DDIAS: variants seen among roughly 807,000 people sequenced by gnomAD.
The protein encoded by DDIAS is DNA damage-induced apoptosis suppressor protein.
In DDIAS, 14 loss-of-function variants were observed where a neutral mutation model predicts 15.7. The observed-to-expected ratio is 0.89, with a 90% CI of 0.59 to 1.39. DDIAS has a LOEUF of 1.39. Ranked by LOEUF, DDIAS falls within the 40% of genes most tolerant of loss-of-function variation. The probability of loss-of-function intolerance (pLI) is 0.00; values close to 1 mark genes in which losing one functional copy is unlikely to be tolerated. For synonymous variants in DDIAS, 355 were observed against 395.9 expected (o/e 0.90, Z 1.23); for missense variants, 1,035 against 1,130.9 (o/e 0.92, Z 1.22).
At chr11:82,914,889 A>AAATGCAC in intron 3 of DDIAS, 38 bp downstream of exon 3, 1 of 1,336,630 alleles carries the variant, frequency 7.5e-7, no homozygotes, top group Non-Finnish European at 1.1e-6. Context: ...GAGGAAATAC[A>AAATGCAC]AATGCACACT....
At position 82,933,745 on chromosome 11, in the gene DDIAS, G is replaced by T; in HGVS notation, c.2407G>T (p.Gly803Cys). Residue 803 changes from glycine (G) to cysteine (C), a missense_variant, in exon 6 of 6, where the codon GGT becomes TGT. By Grantham distance (159) the Gly-to-Cys change is radical. Coordinates refer to ENST00000533655, the MANE Select transcript of DDIAS (RefSeq NM_145018.4). ...KKPVFYSDLD[G>C]NYEKIRIFPE... Reference sequence around the variant, plus strand: ...ACCTGTATTTTATTCAGATCTTGATGGTAACTATGAAAAAATAAGGATTTT... The same window carrying T: ...ACCTGTATTTTATTCAGATCTTGATTGTAACTATGAAAAAATAAGGATTTT... The T allele has an allele frequency of 1.2e-6, 2 of 1,610,918 alleles. No individual in the cohort carries two copies. Among genetic ancestry groups the T allele is most frequent in the South Asian group, 2.2e-5 (2 of 90,046 alleles).
Position 82,901,774 on chromosome 11 carries a change from T to G in DDIAS, c.-165T>G, listed in dbSNP as rs977765901. On this transcript the variant is annotated 5_prime_UTR_variant, in exon 1 of 6. Transcript: ENST00000533655. Reference sequence around the variant, plus strand: ...CCGGCGTGCTACTGAGTTCGGCCGGTCCGAGTCACTGTGCGTCGCCTGGGC... The same window carrying G: ...CCGGCGTGCTACTGAGTTCGGCCGGGCCGAGTCACTGTGCGTCGCCTGGGC... The G allele has an allele frequency of 6.6e-6, 1 of 152,048 alleles. No homozygotes were observed. Among genetic ancestry groups the G allele is most frequent in the African/African-American group, 2.4e-5 (1 of 41,384 alleles). 9.4% of individuals were successfully genotyped at this position (152,048 alleles called of 1,614,324 possible).
chr11:82,915,740 A>T (rs575360823), intron 3 of DDIAS, among the ~76,000 whole-genome samples: 1 of 152,174 alleles, frequency 6.6e-6, no homozygotes, highest in African/African-American at 2.4e-5. Context: ...AAATGAATGA[A>T]TAAGTGATAG....
Position 82,932,276 on chromosome 11 carries a change from A to G in DDIAS, c.938A>G (p.Lys313Arg), listed in dbSNP as rs769487052. ...AAGAGTACAGCAGAAAAGTTGGGTA[A>G]AGAACTTGGCTTACAAGCTAAGGAG... ...DKKSTAEKLG[K>R]ELGLQAKELS... The change falls in exon 6 of 6, where the codon AAA becomes AGA. Residue 313 changes from lysine (K) to arginine (R), a missense_variant. Coordinates refer to ENST00000533655, the MANE Select transcript of DDIAS (RefSeq NM_145018.4). 5.6e-6 allele frequency: 9 copies of G among 1,613,696 alleles called. No homozygotes were observed. The highest frequency in any genetic ancestry group is 5.9e-6 in the Non-Finnish European group (7 of 1,179,776).
In DDIAS at chr11:82,933,420, C is replaced by CA. The variant is rs1341810027; in HGVS notation, c.2088dup (p.Ser697IlefsTer21). ...AAATGGACATTGCAACTGAGATTAC[C>CA]AAAAAATCACAGGATATTTTGTTAA... On this transcript the variant is annotated frameshift_variant, in exon 6 of 6. Coordinates refer to ENST00000533655, the MANE Select transcript of DDIAS (RefSeq NM_145018.4). LOFTEE classifies it low-confidence loss of function (END_TRUNC). 1.1e-5 allele frequency: 17 copies of CA among 1,613,368 alleles called. No homozygotes were observed. Among genetic ancestry groups the CA allele is most frequent in the Non-Finnish European group, 1.4e-5 (16 of 1,179,846 alleles).
At position 82,932,738 on chromosome 11, in the gene DDIAS, G is replaced by A. The variant is rs372185320; in HGVS notation, c.1400G>A (p.Arg467Lys). 12 of 1,613,920 alleles carry A rather than the reference G, an allele frequency of 7.4e-6. No individual in the cohort carries two copies. Among genetic ancestry groups the A allele is most frequent in the Non-Finnish European group, 1.0e-5 (12 of 1,180,040 alleles). ...AGCAGGTTATCTGTGACTCCCCAGA[G>A]AACTACTGGAGCCCTGCATACACCA... ...DHSRLSVTPQ[R>K]TTGALHTPPI... The change falls in exon 6 of 6, where the codon AGA (arginine) becomes AAA (lysine). Residue 467 changes from arginine to lysine, a missense_variant. Transcript: ENST00000533655.
intron 3 of DDIAS, among the ~76,000 whole-genome samples, chr11:82,920,765 A>C (rs557510760): frequency 9.9e-5 from 15 of 152,086 alleles, no homozygotes; most frequent in Non-Finnish European, 2.1e-4. Context: ...AATTTTCTTA[A>C]ATTTATTAAG....
intron 1 of DDIAS, among the ~76,000 whole-genome samples, chr11:82,910,302 A>G (rs1185429718): frequency 7.1e-6 from 1 of 141,340 alleles, no homozygotes; most frequent in Non-Finnish European, 1.5e-5. Flanking sequence ...TTTTTTTGAG[A>G]CAGAGTTTCA....
At chr11:82,914,077 C>T (rs1860579973) in intron 2 of DDIAS, 1 of 331,890 alleles carries the variant, frequency 3.0e-6, no homozygotes, top group African/African-American at 2.3e-5. Flanking sequence ...GCTGGGATTA[C>T]AGGCACCCCC....
At chr11:82,927,057 C>G (rs1860878368) in intron 3 of DDIAS, among the ~76,000 whole-genome samples, 1 of 152,110 alleles carries the variant, frequency 6.6e-6, no homozygotes, top group Non-Finnish European at 1.5e-5. Context: ...CCAACTTTGT[C>G]ATCTCAGATA....
chr11:82,921,233 C>T (rs761181881), intron 3 of DDIAS, among the ~76,000 whole-genome samples: 1 of 152,174 alleles, frequency 6.6e-6, no homozygotes, highest in South Asian at 2.1e-4. Flanking sequence ...CCTTTTTCCA[C>T]TCCTTTACTT....
intron 3 of DDIAS, among the ~76,000 whole-genome samples, chr11:82,919,326 A>G (rs1215345179): frequency 6.6e-6 from 1 of 152,166 alleles, no homozygotes; most frequent in African/African-American, 2.4e-5. Flanking sequence ...ATTTTGTTGA[A>G]TGTTTTTTCT....
intron 2 of DDIAS, chr11:82,913,755 A>G (rs1214383530): frequency 4.6e-6 from 2 of 430,638 alleles, no homozygotes; most frequent in East Asian, 7.1e-5. Context: ...ATGTAAGTTC[A>G]TGTACACATT....
Position 82,914,717 on chromosome 11 carries a change from T to C in DDIAS, c.-16-6T>C. On this transcript the variant is annotated splice_polypyrimidine_tract_variant and splice_region_variant and intron_variant, in intron 2 of 5. Transcript: ENST00000533655. ...CAGTCATCCCAATGGCTATTTTGTT[T>C]TGCAGACCACGGTGTGAACACATGA... The C allele has an allele frequency of 6.9e-7, 1 of 1,456,586 alleles. No homozygotes were observed. The highest frequency in any genetic ancestry group is 9.6e-7 in the Non-Finnish European group (1 of 1,043,036). 90.2% of individuals were successfully genotyped at this position (1,456,586 alleles called of 1,614,324 possible). A position where few individuals can be genotyped will look rare whatever the true frequency, so the allele number is the denominator to read the frequency against.
Position 82,914,819 on chromosome 11 carries a change from G to C in DDIAS, c.81G>C (p.Lys27Asn). 1.9e-6 allele frequency: 3 copies of C among 1,603,254 alleles called. No homozygotes were observed. In the South Asian group the frequency reaches 3.3e-5, roughly 18 times the overall value. ...GTTTTATATATCCATCATGTCAGAA[G>C]TGCTTCTCTAGGATAATCCTGGTCT... is the stretch of plus-strand genomic sequence containing the variant. Reference protein sequence around the residue: ...NSSFIYPSCQKCFSRIILVSK... With the variant: ...NSSFIYPSCQNCFSRIILVSK... Residue 27 changes from lysine (K) to asparagine (N), a missense_variant, in exon 3 of 6, where the codon AAG (lysine) becomes AAC (asparagine). Transcript: ENST00000533655.
intron 3 of DDIAS, among the ~76,000 whole-genome samples, chr11:82,926,971 G>A (rs1394051053): frequency 6.6e-6 from 1 of 151,806 alleles, no homozygotes; most frequent in Non-Finnish European, 1.5e-5. Flanking sequence ...TAACCATTTG[G>A]TCCCACTGTT....
At chr11:82,926,001 T>C (rs974391626) in intron 3 of DDIAS, among the ~76,000 whole-genome samples, 3 of 150,588 alleles carry the variant, frequency 2.0e-5, no homozygotes, top group African/African-American at 7.4e-5. Flanking sequence ...AAAAAAAAAA[T>C]TTTGACTATG....
At chr11:82,921,819 T>A (rs1266546480) in intron 3 of DDIAS, among the ~76,000 whole-genome samples, 2 of 152,114 alleles carry the variant, frequency 1.3e-5, no homozygotes, top group Non-Finnish European at 2.9e-5. Context: ...CCTCAGGTGA[T>A]CCACCCGCCT....
rs1345487916 is a variant in DDIAS, at chr11:82,933,458, C to T, written c.2120C>T (p.Ser707Phe). Residue 707 changes from serine to phenylalanine, a missense_variant, in exon 6 of 6, where the codon TCT becomes TTT. Coordinates refer to ENST00000533655, the MANE Select transcript of DDIAS (RefSeq NM_145018.4). ...GATATTTTGTTAAAATGGGGAACAT[C>T]TTTGGCAGAAAGTCACCCTTCAGAG... ...SQDILLKWGTSLAESHPSESD... is the reference protein window; with the variant it reads ...SQDILLKWGTFLAESHPSESD... 6.2e-7 allele frequency: 1 copy of T among 1,613,866 alleles called. No homozygotes were observed. Among genetic ancestry groups the T allele is most frequent in the Non-Finnish European group, 8.5e-7 (1 of 1,179,970 alleles).
Sources: gnomAD v4.1 joint callset for allele counts (sites outside exome capture counted in the v4.1 genomes callset) on GRCh38, gnomAD v4.1.1 for gene constraint, MANE v1.5 for transcripts, NCBI Gene and HGNC (gene_info 2026-07-23, HGNC 2026-07-21) for gene names.